Variants in UMAD1 observed in about 807,000 individuals in gnomAD.
The protein encoded by UMAD1 is UBAP1-MVB12-associated (UMA) domain containing 1.
UMAD1 carries 8 observed loss-of-function variants against 6.1 expected under a neutral mutation model. The observed-to-expected ratio is 1.30, with a 90% CI of 0.76 to 2.35. The LOEUF (loss-of-function observed/expected upper bound fraction) is 2.35, where lower values mean the gene tolerates loss of function less well. Among genes scored for constraint, UMAD1 ranks in the 30% most tolerant of loss-of-function variants. The pLI is 0.00. For synonymous variants in UMAD1, 56 were observed against 31.4 expected (o/e 1.78, Z -2.61); for missense variants, 130 against 78.4 (o/e 1.66, Z -2.49).
At chr7:7,803,117 A>T (rs553041045) in intron 3 of UMAD1, among the ~76,000 whole-genome samples, 1 of 152,330 alleles carries the variant, frequency 6.6e-6, no homozygotes, top group Non-Finnish European at 1.5e-5. Flanking sequence ...TGAAAATAGG[A>T]CACAAGGACA....
intron 1 of UMAD1, among the ~76,000 whole-genome samples, chr7:7,659,405 G>A (rs181185279): frequency 3.3e-5 from 5 of 151,962 alleles, no homozygotes; most frequent in Non-Finnish European, 2.9e-5. Context: ...TTAGGGTGTC[G>A]ATTTTAGATC....
chr7:7,651,110 C>T (rs111781023), intron 1 of UMAD1, among the ~76,000 whole-genome samples: 10 of 152,212 alleles, frequency 6.6e-5, no homozygotes, highest in African/African-American at 2.4e-4. Context: ...ATCAGACATT[C>T]AGAGAAATCA....
At chr7:7,713,118 C>G (rs1373976150) in intron 2 of UMAD1, among the ~76,000 whole-genome samples, 2 of 151,890 alleles carry the variant, frequency 1.3e-5, no homozygotes, top group Non-Finnish European at 2.9e-5. Flanking sequence ...GCAGGCAGAT[C>G]ACAAGGTCAG....
At chr7:7,755,226 G>C (rs1254921156) in intron 2 of UMAD1, among the ~76,000 whole-genome samples, 1 of 152,090 alleles carries the variant, frequency 6.6e-6, no homozygotes, top group Non-Finnish European at 1.5e-5. Flanking sequence ...GACTTTCCAC[G>C]TACAAAATTT....
intron 2 of UMAD1, chr7:7,742,084 C>G (rs1781481041): frequency 1.7e-6 from 1 of 575,362 alleles, no homozygotes; most frequent in African/African-American, 1.9e-5. Context: ...TTAGTAAACG[C>G]TTGTTGATAT....
chr7:7,814,365 A>G (rs1783085854), intron 3 of UMAD1, among the ~76,000 whole-genome samples: 1 of 152,138 alleles, frequency 6.6e-6, no homozygotes. Flanking sequence ...TTTGTGCCTA[A>G]CTTTGTTTTT....
chr7:7,783,891 G>C (rs185269009), intron 2 of UMAD1, among the ~76,000 whole-genome samples: 3 of 152,310 alleles, frequency 2.0e-5, no homozygotes, highest in Admixed American at 1.3e-4. Flanking sequence ...GACACGGTAT[G>C]CTGTCTACTC....
At chr7:7,695,981 G>GTTTT (rs34880729) in intron 2 of UMAD1, among the ~76,000 whole-genome samples, 9 of 130,732 alleles carry the variant, frequency 6.9e-5, no homozygotes, top group Non-Finnish European at 1.1e-4. Flanking sequence ...GTATATCTCC[G>GTTTT]TTTTTTTTTT....
intron 2 of UMAD1, among the ~76,000 whole-genome samples, chr7:7,771,873 A>T (rs1185270338): frequency 6.6e-6 from 1 of 152,160 alleles, no homozygotes; most frequent in African/African-American, 2.4e-5. Context: ...TTCTATTTAT[A>T]AGCAATTTTA....
intron 1 of UMAD1, among the ~76,000 whole-genome samples, chr7:7,642,865 G>A (rs1785005991): frequency 6.6e-6 from 1 of 152,124 alleles, no homozygotes; most frequent in Admixed American, 6.5e-5. Flanking sequence ...TTTCTAGGTG[G>A]TTTTATCACA....
At chr7:7,678,205 C>A (rs2115116254) in intron 2 of UMAD1, among the ~76,000 whole-genome samples, 1 of 151,912 alleles carries the variant, frequency 6.6e-6, no homozygotes, top group South Asian at 2.1e-4. Flanking sequence ...ATTCCTGCCA[C>A]CAGGGTATGA....
At chr7:7,795,610 T>C (rs181674413) in intron 2 of UMAD1, among the ~76,000 whole-genome samples, 161 of 152,322 alleles carry the variant, frequency 1.1e-3, no homozygotes, top group African/African-American at 3.7e-3. Context: ...TGGTTATTTA[T>C]TGATTATATG....
chr7:7,655,409 T>C (rs1785317141), intron 1 of UMAD1, among the ~76,000 whole-genome samples: 1 of 152,116 alleles, frequency 6.6e-6, no homozygotes, highest in African/African-American at 2.4e-5. Context: ...AAAAATAAAA[T>C]AAATTAAATG....
chr7:7,719,649 T>C (rs1781005007), intron 2 of UMAD1, among the ~76,000 whole-genome samples: 2 of 152,226 alleles, frequency 1.3e-5, no homozygotes, highest in Admixed American at 1.3e-4. Context: ...GTAGTTTTTT[T>C]TTTCACGTTA....
intron 2 of UMAD1, among the ~76,000 whole-genome samples, chr7:7,677,339 C>T (rs1280896525): frequency 6.6e-6 from 1 of 152,040 alleles, no homozygotes; most frequent in African/African-American, 2.4e-5. Flanking sequence ...AATACTAGAT[C>T]TTATTCCTTC....
chr7:7,778,427 C>A (rs889310918), intron 2 of UMAD1, among the ~76,000 whole-genome samples: 1 of 149,998 alleles, frequency 6.7e-6, no homozygotes, highest in African/African-American at 2.4e-5. Flanking sequence ...TTTTTTCTTT[C>A]TTTCTTTTCT....
intron 2 of UMAD1, among the ~76,000 whole-genome samples, chr7:7,746,117 G>A (rs73352781): frequency 0.015 from 2,311 of 152,252 alleles, 67 homozygotes; most frequent in African/African-American, 0.053. Flanking sequence ...TAATATTCTC[G>A]TGTTTGAATG....
At chr7:7,669,243 C>T (rs544319921) in intron 1 of UMAD1, among the ~76,000 whole-genome samples, 22 of 152,154 alleles carry the variant, frequency 1.4e-4, no homozygotes, top group African/African-American at 4.8e-4. Flanking sequence ...AAGGAGGAAA[C>T]GATTGTATAC....
intron 2 of UMAD1, among the ~76,000 whole-genome samples, chr7:7,743,674 A>G (rs1223161139): frequency 6.7e-6 from 1 of 148,554 alleles, no homozygotes. Context: ...GTAAGCTAAT[A>G]TACATATATG....
Sources: gnomAD v4.1 joint callset for allele counts (sites outside exome capture counted in the v4.1 genomes callset) on GRCh38, gnomAD v4.1.1 for gene constraint, MANE v1.5 for transcripts, NCBI Gene and HGNC (gene_info 2026-07-23, HGNC 2026-07-21) for gene names.